LRRC7: variants seen among roughly 807,000 people sequenced by gnomAD.
LRRC7 encodes the protein leucine-rich repeat-containing protein 7.
LRRC7 carries 23 observed loss-of-function variants against 175.7 expected under a neutral mutation model. The observed-to-expected ratio is 0.13, with a 90% CI of 0.09 to 0.19. LRRC7 has a LOEUF of 0.19. Among genes scored for constraint, LRRC7 ranks in the 10% least tolerant of loss-of-function variants. The probability of loss-of-function intolerance (pLI) is 1.00; values close to 1 mark genes in which losing one functional copy is unlikely to be tolerated. For missense variants in LRRC7, 1,354 were observed against 1,904.7 expected (o/e 0.71, Z 5.38); for synonymous variants, 685 against 680.9 (o/e 1.01, Z -0.09).
intron 2 of LRRC7, among the ~76,000 whole-genome samples, chr1:69,693,035 C>T (rs139241386): frequency 8.6e-4 from 131 of 152,180 alleles, no homozygotes; most frequent in African/African-American, 2.9e-3. Flanking sequence ...GGCTCGCAGA[C>T]ACGGACAGGA....
intron 7 of LRRC7, among the ~76,000 whole-genome samples, chr1:69,891,653 AC>A (rs1279171464): frequency 1.4e-4 from 22 of 152,242 alleles, no homozygotes; most frequent in African/African-American, 5.3e-4. Flanking sequence ...AATTGTTTGA[AC>A]CCAGGAGGTG....
intron 2 of LRRC7, among the ~76,000 whole-genome samples, chr1:69,740,439 C>G (rs892841869): frequency 6.6e-6 from 1 of 152,042 alleles, no homozygotes; most frequent in African/African-American, 2.4e-5. Flanking sequence ...AAAATAAAAA[C>G]TTCAGCTGAA....
At chr1:69,935,738 T>G (rs1007969171) in intron 8 of LRRC7, among the ~76,000 whole-genome samples, 4 of 152,172 alleles carry the variant, frequency 2.6e-5, no homozygotes, top group Non-Finnish European at 5.9e-5. Flanking sequence ...TGTCTGTAGG[T>G]ACTACAATTA....
chr1:70,110,105 C>A (rs1213531540), intron 26 of LRRC7, among the ~76,000 whole-genome samples: 1 of 152,178 alleles, frequency 6.6e-6, no homozygotes, highest in African/African-American at 2.4e-5. Flanking sequence ...TCAGGCCAGA[C>A]ATGATGGCTC....
chr1:69,869,608 C>G (rs540713158), intron 7 of LRRC7, among the ~76,000 whole-genome samples: 1 of 151,968 alleles, frequency 6.6e-6, no homozygotes. Context: ...CCTCACATAC[C>G]GAGTGATAAG....
At chr1:69,593,346 T>C (rs552175972) in intron 1 of LRRC7, among the ~76,000 whole-genome samples, 50 of 152,270 alleles carry the variant, frequency 3.3e-4, no homozygotes, top group African/African-American at 1.2e-3. Context: ...TATTTGGACA[T>C]GTAACACATG....
At chr1:70,012,492 T>C (rs897731936) in intron 12 of LRRC7, among the ~76,000 whole-genome samples, 1 of 151,850 alleles carries the variant, frequency 6.6e-6, no homozygotes, top group Non-Finnish European at 1.5e-5. Context: ...AACATTCTTA[T>C]AATGATGCAA....
chr1:69,575,309 T>A (rs909248504), intron 1 of LRRC7, among the ~76,000 whole-genome samples: 8 of 152,170 alleles, frequency 5.3e-5, no homozygotes, highest in African/African-American at 1.4e-4. Context: ...GAGAAAGGAA[T>A]CTTAATTCAA....
chr1:70,062,704 G>A (rs1458139449), intron 23 of LRRC7, among the ~76,000 whole-genome samples: 3 of 151,850 alleles, frequency 2.0e-5, no homozygotes, highest in Non-Finnish European at 4.4e-5. Context: ...TCAGGAAAAA[G>A]GGTTTGAAAA....
chr1:69,781,739 G>GGAAGGA (rs1673616089), intron 3 of LRRC7, among the ~76,000 whole-genome samples: 1 of 41,326 alleles, frequency 2.4e-5, no homozygotes, highest in Non-Finnish European at 4.1e-5. Context: ...AAGAAAGAGA[G>GGAAGGA]AGAGAGAGAG....
Position 70,038,932 on chromosome 1 carries a change from G to C in LRRC7, c.3108G>C (p.Gln1036His), listed in dbSNP as rs779996649. 1 of 1,614,052 alleles carries C rather than the reference G, an allele frequency of 6.2e-7. No homozygotes were observed. Among genetic ancestry groups the C allele is most frequent in the East Asian group, 2.2e-5 (1 of 44,818 alleles). ...EHGMSSMSRS[Q>H]SVPMLDDEML... is the part of the protein sequence containing the mutation. The stretch of plus-strand genomic sequence containing the variant: ...GTATGTCCAGTATGTCTCGAAGCCA[G>C]TCAGTCCCAATGCTGGATGATGAGA... Residue 1036 changes from glutamine to histidine, a missense_variant, in exon 21 of 27, where the codon CAG becomes CAC. Gln to His is a conservative substitution (Grantham distance 24, BLOSUM62 0). Transcript: ENST00000651989.
At chr1:70,010,488 C>T (rs1441728810) in intron 11 of LRRC7, among the ~76,000 whole-genome samples, 1 of 152,086 alleles carries the variant, frequency 6.6e-6, no homozygotes, top group African/African-American at 2.4e-5. Context: ...TCACTTGAAC[C>T]CAGGAAGTGG....
chr1:70,005,624 T>A (rs962894777), intron 11 of LRRC7, among the ~76,000 whole-genome samples: 1 of 152,210 alleles, frequency 6.6e-6, no homozygotes, highest in Admixed American at 6.5e-5. Context: ...ATACATGACC[T>A]AAACACAACT....
At chr1:70,040,021 C>T (rs1432141479) in intron 21 of LRRC7, among the ~76,000 whole-genome samples, 1 of 152,136 alleles carries the variant, frequency 6.6e-6, no homozygotes, top group Non-Finnish European at 1.5e-5. Flanking sequence ...TCAAATCTAA[C>T]CCAAATATTG....
intron 7 of LRRC7, among the ~76,000 whole-genome samples, chr1:69,857,894 T>C (rs1347341458): frequency 1.3e-5 from 2 of 152,162 alleles, no homozygotes; most frequent in African/African-American, 4.8e-5. Context: ...AACAGCATGG[T>C]ACTCGTACCA....
chr1:69,778,568 G>A (rs12037989), intron 3 of LRRC7, among the ~76,000 whole-genome samples: 34,970 of 152,042 alleles, frequency 0.23, 4,161 homozygotes, highest in African/African-American at 0.28. Context: ...CCTGGCAGAA[G>A]TGCATTGCTG....
intron 1 of LRRC7, among the ~76,000 whole-genome samples, chr1:69,616,630 C>T (rs923902421): frequency 6.6e-6 from 1 of 152,058 alleles, no homozygotes; most frequent in Non-Finnish European, 1.5e-5. Context: ...AAAGCTCAGA[C>T]AGACTACTAT....
chr1:69,871,925 G>T (rs1374443133), intron 7 of LRRC7, among the ~76,000 whole-genome samples: 1 of 151,868 alleles, frequency 6.6e-6, no homozygotes, highest in African/African-American at 2.4e-5. Context: ...TCTAATGTAA[G>T]TAATAATTAT....
chr1:69,717,853 G>GAAAGAAAGAAAGAAA (rs1309359434), intron 2 of LRRC7, among the ~76,000 whole-genome samples: 1 of 15,628 alleles, frequency 6.4e-5, no homozygotes, highest in East Asian at 1.2e-3. Flanking sequence ...AAGAAAGAAA[G>GAAAGAAAGAAAGAAA]GAAAGAAAGA....
Sources: allele counts gnomAD v4.1 joint callset (sites outside exome capture counted in the v4.1 genomes callset), GRCh38; gene constraint gnomAD v4.1.1; transcripts MANE v1.5; gene names NCBI Gene and HGNC (gene_info 2026-07-23, HGNC 2026-07-21).